The following CCDC192 variants were observed in gnomAD, a reference collection of about 807,000 sequenced individuals.
CCDC192 encodes coiled-coil domain containing 192.
At chr5:127,727,695 G>T (rs1752415149) in intron 2 of CCDC192, among the ~76,000 whole-genome samples, 1 of 152,132 alleles carries the variant, frequency 6.6e-6, no homozygotes, top group Admixed American at 6.5e-5. Context: ...GGCTGAGATG[G>T]ATAAACTGAC....
intron 3 of CCDC192, among the ~76,000 whole-genome samples, chr5:127,794,430 T>A (rs1757050082): frequency 6.6e-6 from 1 of 152,202 alleles, no homozygotes; most frequent in Admixed American, 6.5e-5. Flanking sequence ...CTTCAGGATG[T>A]TTTGAAGATA....
At chr5:127,727,479 G>GA (rs200682335) in intron 2 of CCDC192, among the ~76,000 whole-genome samples, 8,311 of 146,750 alleles carry the variant, frequency 0.057, 536 homozygotes, top group East Asian at 0.28. Flanking sequence ...TCTAAAAAAA[G>GA]AAAAAAAAAA....
At chr5:127,712,742 A>T (rs1264659512) in intron 2 of CCDC192, among the ~76,000 whole-genome samples, 1 of 152,222 alleles carries the variant, frequency 6.6e-6, no homozygotes. Context: ...CTTTGTATAG[A>T]CATATGCTTT....
intron 5 of CCDC192, among the ~76,000 whole-genome samples, chr5:127,851,067 C>A (rs1007509942): frequency 6.6e-6 from 1 of 152,192 alleles, no homozygotes; most frequent in African/African-American, 2.4e-5. Context: ...GCTTTGCAAT[C>A]TGGGCCACCT....
At chr5:127,731,197 C>T in intron 2 of CCDC192, among the ~76,000 whole-genome samples, 2 of 152,136 alleles carry the variant, frequency 1.3e-5, no homozygotes, top group Non-Finnish European at 2.9e-5. Flanking sequence ...ATGCAAAAAT[C>T]ACGAGCATTC....
intron 3 of CCDC192, 127 bp downstream of exon 3, chr5:127,754,502 C>G: frequency 5.2e-6 from 2 of 386,790 alleles, no homozygotes; most frequent in Non-Finnish European, 9.1e-6. Flanking sequence ...CATACACACA[C>G]ACACACACAC....
chr5:127,884,371 A>G (rs1338195530), intron 6 of CCDC192, among the ~76,000 whole-genome samples: 1 of 141,788 alleles, frequency 7.1e-6, no homozygotes, highest in South Asian at 2.2e-4. Flanking sequence ...AAAAAAAAAG[A>G]AGAGGGAAGA....
intron 5 of CCDC192, among the ~76,000 whole-genome samples, chr5:127,852,120 C>G (rs547054995): frequency 2.6e-5 from 4 of 152,230 alleles, no homozygotes; most frequent in African/African-American, 7.2e-5. Flanking sequence ...CGATACCAAC[C>G]CCAGAGAGCA....
chr5:127,837,950 T>TGCACTCCA (rs915264478), intron 5 of CCDC192, among the ~76,000 whole-genome samples: 2 of 144,756 alleles, frequency 1.4e-5, no homozygotes, highest in African/African-American at 4.9e-5. Context: ...ATTGCACCAC[T>TGCACTCCA]GCACTCCAGC....
chr5:127,746,523 G>T (rs1753751125), intron 2 of CCDC192, among the ~76,000 whole-genome samples: 1 of 151,924 alleles, frequency 6.6e-6, no homozygotes, highest in Admixed American at 6.6e-5. Context: ...AAATAGTTTG[G>T]CCTCATGACA....
chr5:127,743,162 C>T (rs930483253), intron 2 of CCDC192, among the ~76,000 whole-genome samples: 6 of 152,030 alleles, frequency 3.9e-5, no homozygotes, highest in African/African-American at 1.2e-4. Context: ...TTCCCCTCCC[C>T]GCTTCCCTCC....
intron 6 of CCDC192, among the ~76,000 whole-genome samples, chr5:127,899,589 A>G (rs1383154725): frequency 6.6e-6 from 1 of 150,968 alleles, no homozygotes; most frequent in African/African-American, 2.4e-5. Context: ...ATTTGATTTG[A>G]TGAGAAAAAA....
chr5:127,937,383 G>T (rs773491026), intron 6 of CCDC192, among the ~76,000 whole-genome samples: 2 of 152,156 alleles, frequency 1.3e-5, no homozygotes, highest in East Asian at 1.9e-4. Flanking sequence ...GATGGGGCCT[G>T]TGGGAAATAA....
intron 6 of CCDC192, among the ~76,000 whole-genome samples, chr5:127,929,583 C>T (rs1210522848): frequency 1.3e-5 from 2 of 152,190 alleles, no homozygotes; most frequent in Non-Finnish European, 2.9e-5. Flanking sequence ...CTCCTCTGTA[C>T]AACGCCCATT....
intron 5 of CCDC192, among the ~76,000 whole-genome samples, chr5:127,820,155 A>G (rs1322594522): frequency 6.6e-6 from 1 of 152,252 alleles, no homozygotes; most frequent in Non-Finnish European, 1.5e-5. Context: ...CTGTACATCT[A>G]TGACATTTCA....
chr5:127,862,083 GCAGTTTGATA>G (rs1378333957), intron 5 of CCDC192, among the ~76,000 whole-genome samples: 2 of 152,164 alleles, frequency 1.3e-5, no homozygotes, highest in Non-Finnish European at 2.9e-5. Context: ...ATGACTTGGT[GCAGTTTGATA>G]CTTTGATTAC....
chr5:127,860,319 G>GA (rs755144025), intron 5 of CCDC192, among the ~76,000 whole-genome samples: 7 of 152,168 alleles, frequency 4.6e-5, no homozygotes, highest in Non-Finnish European at 1.0e-4. Flanking sequence ...GAGAATCGCA[G>GA]AAAAACAAGC....
chr5:127,801,286 T>C (rs1757494683), intron 5 of CCDC192, among the ~76,000 whole-genome samples: 1 of 152,174 alleles, frequency 6.6e-6, no homozygotes, highest in South Asian at 2.1e-4. Flanking sequence ...AAGAGTTGCC[T>C]GGCAAAATAT....
intron 2 of CCDC192, among the ~76,000 whole-genome samples, 191 bp downstream of exon 2, chr5:127,707,951 G>C (rs2126772248): frequency 6.6e-6 from 1 of 152,058 alleles, no homozygotes; most frequent in East Asian, 1.9e-4. Flanking sequence ...GGGTGGAGTG[G>C]TAACTATGGG....
Sources: gnomAD v4.1 joint callset for allele counts (sites outside exome capture counted in the v4.1 genomes callset) on GRCh38, gnomAD v4.1.1 for gene constraint, MANE v1.5 for transcripts, NCBI Gene and HGNC (gene_info 2026-07-23, HGNC 2026-07-21) for gene names.